Variants in CTNNA3 observed in about 807,000 individuals in gnomAD.
The protein encoded by CTNNA3 is catenin alpha 3.
In CTNNA3, 76 loss-of-function variants were observed where a neutral mutation model predicts 95.7. That is an observed-to-expected ratio of 0.79 (90% confidence interval 0.66 to 0.96). The LOEUF is 0.96. Among genes scored for constraint, CTNNA3 ranks in the 40% least tolerant of loss-of-function variants. The pLI, the probability that CTNNA3 is intolerant of heterozygous loss-of-function variation, is 0.00. For synonymous variants in CTNNA3, 431 were observed against 374.4 expected (o/e 1.15, Z -1.74); for missense variants, 1,191 against 1,089.8 (o/e 1.09, Z -1.31).
At chr10:66,592,516 T>A (rs879772398) in intron 10 of CTNNA3, among the ~76,000 whole-genome samples, 12 of 152,132 alleles carry the variant, frequency 7.9e-5, no homozygotes, top group Non-Finnish European at 1.6e-4. Flanking sequence ...TGATAAAATG[T>A]ATCATTGTAT....
intron 12 of CTNNA3, among the ~76,000 whole-genome samples, chr10:66,352,131 T>C (rs1406684917): frequency 6.6e-6 from 1 of 152,002 alleles, no homozygotes; most frequent in Non-Finnish European, 1.5e-5. Context: ...TTTTAAATAG[T>C]AGAATTTCAA....
At chr10:66,292,802 TAG>T (rs754956541) in intron 12 of CTNNA3, among the ~76,000 whole-genome samples, 1 of 152,182 alleles carries the variant, frequency 6.6e-6, no homozygotes, top group Non-Finnish European at 1.5e-5. Flanking sequence ...CCTGCAAATG[TAG>T]AGAGAAAGTA....
chr10:66,511,022 T>A (rs956810567), intron 11 of CTNNA3, among the ~76,000 whole-genome samples: 3 of 151,888 alleles, frequency 2.0e-5, no homozygotes, highest in Non-Finnish European at 4.4e-5. Flanking sequence ...GGTCTTGGAC[T>A]TTTCTTTTTT....
chr10:67,326,113 T>C (rs1036896598), intron 5 of CTNNA3, among the ~76,000 whole-genome samples: 1 of 152,220 alleles, frequency 6.6e-6, no homozygotes, highest in Admixed American at 6.5e-5. Flanking sequence ...TTTGAATTTA[T>C]GTGTGTCTCT....
At chr10:66,402,851 A>C (rs1333933547) in intron 11 of CTNNA3, among the ~76,000 whole-genome samples, 1 of 152,092 alleles carries the variant, frequency 6.6e-6, no homozygotes, top group Non-Finnish European at 1.5e-5. Context: ...CCCCCACCTA[A>C]GGGATCCACT....
At chr10:66,124,910 T>C (rs931229617) in intron 13 of CTNNA3, among the ~76,000 whole-genome samples, 1 of 152,154 alleles carries the variant, frequency 6.6e-6, no homozygotes, top group African/African-American at 2.4e-5. Context: ...TAATATGAGA[T>C]TTTGGAGGGG....
chr10:66,330,841 ATG>A (rs1476834068), intron 12 of CTNNA3, among the ~76,000 whole-genome samples: 1 of 83,510 alleles, frequency 1.2e-5, no homozygotes, highest in Non-Finnish European at 3.7e-5. Context: ...GCATTTTTTC[ATG>A]TGTTTTTCGG....
intron 5 of CTNNA3, among the ~76,000 whole-genome samples, chr10:67,512,114 A>T (rs1273946702): frequency 1.3e-5 from 2 of 152,196 alleles, no homozygotes; most frequent in Non-Finnish European, 2.9e-5. Context: ...GCCAATAGAT[A>T]TATAAAAAGG....
chr10:66,011,674 TG>T (rs1287833974), intron 15 of CTNNA3, among the ~76,000 whole-genome samples: 1 of 152,162 alleles, frequency 6.6e-6, no homozygotes, highest in Non-Finnish European at 1.5e-5. Flanking sequence ...CAATCAAGCC[TG>T]GCACTTCTAA....
chr10:66,980,957 A>G (rs1850398606), intron 7 of CTNNA3, among the ~76,000 whole-genome samples: 1 of 151,532 alleles, frequency 6.6e-6, no homozygotes, highest in Non-Finnish European at 1.5e-5. Context: ...CCCAGGCTGG[A>G]GTGCGATGGT....
chr10:66,466,157 G>A (rs2131860809), intron 11 of CTNNA3, among the ~76,000 whole-genome samples: 1 of 151,908 alleles, frequency 6.6e-6, no homozygotes, highest in African/African-American at 2.4e-5. Context: ...AGAAATTTTG[G>A]CCAAAAGCCT....
Position 67,237,122 on chromosome 10 carries a change from G to GTGTATA in CTNNA3, c.580-17253_580-17252insTATACA, listed in dbSNP as rs1554810757. 8.5e-4 allele frequency among the ~76,000 whole-genome samples: 68 copies of GTGTATA among 79,622 alleles called. 2 individuals carry two copies. Among genetic ancestry groups the GTGTATA allele is most frequent in the East Asian group, 1.4e-3 (3 of 2,206 alleles). 52.2% of individuals were successfully genotyped at this position (79,622 alleles called of 152,430 possible). On this transcript the variant is annotated intron_variant, in intron 5 of 17. Transcript: ENST00000433211. The stretch of plus-strand genomic sequence containing the variant: ...AATGAGTGGATAAAGAAACTATGGT[G>GTGTATA]TATGTATATATATATATATATATAT...
At chr10:66,656,616 T>A (rs1846082191) in intron 9 of CTNNA3, among the ~76,000 whole-genome samples, 1 of 152,092 alleles carries the variant, frequency 6.6e-6, no homozygotes, top group Non-Finnish European at 1.5e-5. Flanking sequence ...TTAACCCCAA[T>A]AAACATTTAC....
intron 7 of CTNNA3, among the ~76,000 whole-genome samples, chr10:67,004,817 C>T (rs748092851): frequency 1.3e-5 from 2 of 152,110 alleles, no homozygotes; most frequent in Non-Finnish European, 2.9e-5. Flanking sequence ...GTTTCTGATG[C>T]TTTGTTTAAA....
chr10:67,726,562 A>ATATATATTAT (rs1841226059), intron 1 of CTNNA3, among the ~76,000 whole-genome samples: 2 of 71,300 alleles, frequency 2.8e-5, no homozygotes, highest in Non-Finnish European at 4.6e-5. Context: ...ATATAATATA[A>ATATATATTAT]TATATATTAC....
intron 7 of CTNNA3, chr10:67,097,722 C>A: frequency 6.2e-7 from 1 of 1,612,632 alleles, no homozygotes; most frequent in Non-Finnish European, 8.5e-7. Flanking sequence ...GGAAACACAC[C>A]TAGAGACTGA....
At chr10:66,225,708 A>G (rs1437213151) in intron 13 of CTNNA3, among the ~76,000 whole-genome samples, 1 of 151,604 alleles carries the variant, frequency 6.6e-6, no homozygotes, top group Non-Finnish European at 1.5e-5. Flanking sequence ...AGTGTATAAG[A>G]GCTCCCTTTT....
intron 15 of CTNNA3, among the ~76,000 whole-genome samples, chr10:66,065,156 A>T (rs2080287289): frequency 6.6e-6 from 1 of 152,178 alleles, no homozygotes; most frequent in African/African-American, 2.4e-5. Context: ...AAAAAAGGCT[A>T]ATCTGATTCT....
At chr10:67,511,148 T>C (rs533668227) in intron 5 of CTNNA3, among the ~76,000 whole-genome samples, 1 of 152,310 alleles carries the variant, frequency 6.6e-6, no homozygotes, top group Non-Finnish European at 1.5e-5. Flanking sequence ...CAGGGAAAAT[T>C]TGACTTCCTC....
Sources: allele counts gnomAD v4.1 joint callset (sites outside exome capture counted in the v4.1 genomes callset), GRCh38; gene constraint gnomAD v4.1.1; transcripts MANE v1.5; gene names NCBI Gene and HGNC (gene_info 2026-07-23, HGNC 2026-07-21).